The following MSH4 variants were observed in gnomAD, a reference collection of about 807,000 sequenced individuals.
The protein encoded by MSH4 is mutS homolog 4.
Under a neutral mutation model 113.7 loss-of-function variants are expected in MSH4, and 106 were observed. The ratio of observed to expected loss-of-function variants is 0.93; its 90% CI spans 0.80 to 1.10. The LOEUF (loss-of-function observed/expected upper bound fraction) is 1.10, where lower values mean the gene tolerates loss of function less well. Ranked by LOEUF, MSH4 falls within the 50% of genes least tolerant of loss-of-function variation. The pLI is 0.00. For synonymous variants in MSH4, 368 were observed against 380.2 expected, an observed-to-expected ratio of 0.97 and a Z score of 0.37; for missense variants, 1,061 against 1,093.7, an observed-to-expected ratio of 0.97 and a Z score of 0.42.
chr1:75,900,940 A>G (rs1652493435), intron 19 of MSH4, among the ~76,000 whole-genome samples: 1 of 152,172 alleles, frequency 6.6e-6, no homozygotes, highest in Non-Finnish European at 1.5e-5. Context: ...AGTTTGAAAA[A>G]TATTCGAAAC....
chr1:75,823,069 T>C (rs958854245), intron 7 of MSH4, among the ~76,000 whole-genome samples: 3 of 152,196 alleles, frequency 2.0e-5, no homozygotes, highest in Non-Finnish European at 2.9e-5. Context: ...CTGAAACCTA[T>C]AGGGGAGAAT....
chr1:75,888,606 T>A (rs1267543640), intron 15 of MSH4, among the ~76,000 whole-genome samples: 2 of 26,378 alleles, frequency 7.6e-5, no homozygotes, highest in Non-Finnish European at 4.9e-4. Flanking sequence ...GATTTTCATA[T>A]TTCTTTTTTT....
intron 19 of MSH4, among the ~76,000 whole-genome samples, chr1:75,905,278 T>C (rs912320728): frequency 3.3e-5 from 5 of 152,100 alleles, no homozygotes; most frequent in African/African-American, 1.2e-4. Flanking sequence ...TTTAAATTTT[T>C]CTTTTTAATG....
At chr1:75,873,238 T>C (rs1283898181) in intron 9 of MSH4, among the ~76,000 whole-genome samples, 1 of 152,204 alleles carries the variant, frequency 6.6e-6, no homozygotes, top group African/African-American at 2.4e-5. Flanking sequence ...TGAAATATTT[T>C]GTTATTCCTT....
intron 1 of MSH4, among the ~76,000 whole-genome samples, chr1:75,803,230 T>C (rs945677819): frequency 6.6e-6 from 1 of 152,200 alleles, no homozygotes; most frequent in South Asian, 2.1e-4. Context: ...GCAAAAGCTA[T>C]ATTAGCATAT....
At chr1:75,816,744 A>C (rs1367368026) in intron 6 of MSH4, among the ~76,000 whole-genome samples, 198 bp downstream of exon 6, 2 of 152,126 alleles carry the variant, frequency 1.3e-5, no homozygotes, top group African/African-American at 2.4e-5. Flanking sequence ...CTTCTGTCTC[A>C]GCCTCCCAAG....
intron 17 of MSH4, among the ~76,000 whole-genome samples, chr1:75,892,776 G>A (rs5745517): frequency 0.27 from 40,666 of 151,958 alleles, 7,010 homozygotes; most frequent in East Asian, 0.69. Flanking sequence ...GAAGAACCAG[G>A]CATCACATGT....
intron 19 of MSH4, among the ~76,000 whole-genome samples, chr1:75,912,439 G>T (rs560144828): frequency 6.6e-6 from 1 of 152,100 alleles, no homozygotes; most frequent in African/African-American, 2.4e-5. Context: ...TCATTGAAAA[G>T]TGATTTCAAG....
intron 9 of MSH4, among the ~76,000 whole-genome samples, 178 bp downstream of exon 9, chr1:75,867,766 A>G (rs1240781031): frequency 6.6e-6 from 1 of 152,068 alleles, no homozygotes; most frequent in African/African-American, 2.4e-5. Context: ...TGCTTACTGA[A>G]CCATTTAAGA....
intron 15 of MSH4, among the ~76,000 whole-genome samples, chr1:75,885,503 T>C (rs1239644707): frequency 2.3e-5 from 2 of 87,998 alleles, no homozygotes; most frequent in Non-Finnish European, 4.8e-5. Flanking sequence ...TACATATATA[T>C]ATACATATAA....
intron 10 of MSH4, among the ~76,000 whole-genome samples, 163 bp downstream of exon 10, chr1:75,877,163 A>G (rs1651834222): frequency 6.6e-6 from 1 of 152,118 alleles, no homozygotes; most frequent in Non-Finnish European, 1.5e-5. Flanking sequence ...ATTTCACATT[A>G]TAAGTAGAAT....
rs59163517 is a variant in MSH4 at position 75,833,554 on chromosome 1, A to T, written c.1162+10973A>T. ...CAAACTACACTACAAGCCTACAGTA[A>T]CCAAAACAGCATGGCACTGGTACCA... On this transcript the variant is annotated intron_variant, in intron 7 of 19. Transcript: ENST00000263187. Among the ~76,000 whole-genome samples, 944 of 152,330 alleles carry T rather than the reference A, an allele frequency of 6.2e-3. 3 individuals carry two copies. The highest frequency in any genetic ancestry group is 0.022 in the African/African-American group (907 of 41,576).
intron 15 of MSH4, among the ~76,000 whole-genome samples, chr1:75,886,417 T>A (rs1409710895): frequency 2.7e-5 from 3 of 110,432 alleles, no homozygotes; most frequent in African/African-American, 1.3e-4. Flanking sequence ...TTATATATGG[T>A]ATATATGATG....
intron 19 of MSH4, among the ~76,000 whole-genome samples, chr1:75,904,207 G>T (rs1392361776): frequency 6.6e-6 from 1 of 152,096 alleles, no homozygotes; most frequent in Non-Finnish European, 1.5e-5. Context: ...GCATCCCTGG[G>T]ATGAATTCCG....
chr1:75,864,377 G>A (rs1043203781), intron 8 of MSH4, among the ~76,000 whole-genome samples: 1 of 152,102 alleles, frequency 6.6e-6, no homozygotes, highest in African/African-American at 2.4e-5. Context: ...TTGGTATATA[G>A]TTAGGAGTGG....
At chr1:75,865,461 C>A (rs182677496) in intron 8 of MSH4, among the ~76,000 whole-genome samples, 19 of 152,096 alleles carry the variant, frequency 1.2e-4, no homozygotes, top group African/African-American at 4.6e-4. Flanking sequence ...ACGTATAGTT[C>A]CCAAGAGGAG....
chr1:75,814,753 A>G (rs1146653), intron 4 of MSH4, among the ~76,000 whole-genome samples: 39,699 of 152,040 alleles, frequency 0.26, 5,428 homozygotes, highest in African/African-American at 0.32. Flanking sequence ...AATAAAAAAT[A>G]AACTGTCATG....
At chr1:75,856,384 A>G (rs960629614) in intron 8 of MSH4, among the ~76,000 whole-genome samples, 2 of 151,970 alleles carry the variant, frequency 1.3e-5, no homozygotes, top group Non-Finnish European at 2.9e-5. Flanking sequence ...GGTTTGCTGC[A>G]CCTATCAACC....
intron 9 of MSH4, among the ~76,000 whole-genome samples, chr1:75,873,421 AT>A (rs1289880411): frequency 6.6e-6 from 1 of 152,014 alleles, no homozygotes; most frequent in Non-Finnish European, 1.5e-5. Flanking sequence ...TTTAATTTTT[AT>A]TTTAGTTTTG....
Sources: gnomAD v4.1 joint callset for allele counts (sites outside exome capture counted in the v4.1 genomes callset) on GRCh38, gnomAD v4.1.1 for gene constraint, MANE v1.5 for transcripts, NCBI Gene and HGNC (gene_info 2026-07-23, HGNC 2026-07-21) for gene names.